CDK14: variants seen among roughly 807,000 people sequenced by gnomAD.
CDK14 encodes cyclin dependent kinase 14.
A neutral mutation model predicts 60.7 loss-of-function variants in CDK14; 34 were observed. The ratio of observed to expected loss-of-function variants is 0.56; its 90% confidence interval spans 0.43 to 0.75. CDK14 has a LOEUF of 0.75. CDK14 is among the 30% of genes least tolerant of loss of function. The pLI, the probability that CDK14 is intolerant of heterozygous loss-of-function variation, is 0.00. For synonymous variants in CDK14, 197 were observed against 203.7 expected (o/e 0.97, Z 0.28); for missense variants, 482 against 564.1 (o/e 0.85, Z 1.47).
chr7:91,096,065 CAAAAAAAAAA>C (rs112016367), intron 12 of CDK14, among the ~76,000 whole-genome samples: 7 of 64,558 alleles, frequency 1.1e-4, no homozygotes, highest in African/African-American at 2.6e-4. Context: ...CACAATTTGC[CAAAAAAAAAA>C]AAAAAAAAAA....
At chr7:90,906,923 A>G (rs1792726795) in intron 7 of CDK14, among the ~76,000 whole-genome samples, 1 of 152,112 alleles carries the variant, frequency 6.6e-6, no homozygotes, top group South Asian at 2.1e-4. Flanking sequence ...GCCAGTGTTA[A>G]CTAAATTTCT....
At chr7:90,843,043 T>G (rs3802024) in intron 5 of CDK14, among the ~76,000 whole-genome samples, 109,773 of 152,044 alleles carry the variant, frequency 0.72, 39,831 homozygotes, top group East Asian at 0.89. Context: ...GAAATGTTCT[T>G]CTGTTAATTA....
At chr7:90,602,382 C>G (rs1385977186) in intron 1 of CDK14, among the ~76,000 whole-genome samples, 1 of 152,102 alleles carries the variant, frequency 6.6e-6, no homozygotes, top group Non-Finnish European at 1.5e-5. Flanking sequence ...ATTTCTTATT[C>G]CTAAAAGTTT....
At chr7:91,055,003 G>A (rs1167241662) in intron 11 of CDK14, among the ~76,000 whole-genome samples, 1 of 152,142 alleles carries the variant, frequency 6.6e-6, no homozygotes, top group Non-Finnish European at 1.5e-5. Flanking sequence ...TCATTTCAGA[G>A]CTGGAAAGAG....
chr7:91,015,618 C>G (rs1040315866), intron 10 of CDK14, among the ~76,000 whole-genome samples: 14 of 149,594 alleles, frequency 9.4e-5, no homozygotes, highest in Middle Eastern at 3.5e-3. Flanking sequence ...AGCTCCGCCT[C>G]CCGGGTTCAA....
At chr7:90,710,748 A>G (rs572866662) in intron 2 of CDK14, among the ~76,000 whole-genome samples, 1 of 152,236 alleles carries the variant, frequency 6.6e-6, no homozygotes, top group East Asian at 1.9e-4. Flanking sequence ...TACTCCAATG[A>G]GGCTTACCTG....
intron 2 of CDK14, among the ~76,000 whole-genome samples, chr7:90,663,917 TTC>T (rs1491162833): frequency 6.6e-6 from 1 of 152,210 alleles, no homozygotes; most frequent in Non-Finnish European, 1.5e-5. Flanking sequence ...TTGTTTTTTT[TTC>T]TGAGTGTTGC....
intron 9 of CDK14, among the ~76,000 whole-genome samples, chr7:90,974,224 G>C (rs567864054): frequency 6.6e-6 from 1 of 152,204 alleles, no homozygotes; most frequent in South Asian, 2.1e-4. Context: ...AGACCTTATG[G>C]TTATCTTTCC....
At chr7:90,939,388 C>A (rs1242761373) in intron 8 of CDK14, among the ~76,000 whole-genome samples, 1 of 152,142 alleles carries the variant, frequency 6.6e-6, no homozygotes, top group Non-Finnish European at 1.5e-5. Context: ...TCATTGCTGC[C>A]AGCTCTTTAT....
intron 3 of CDK14, among the ~76,000 whole-genome samples, chr7:90,727,092 C>T (rs1194775483): frequency 6.6e-6 from 1 of 152,160 alleles, no homozygotes; most frequent in East Asian, 1.9e-4. Flanking sequence ...AATTAAAAGT[C>T]TTTTGTATTT....
At chr7:90,973,609 C>G (rs1794988528) in intron 9 of CDK14, among the ~76,000 whole-genome samples, 1 of 152,070 alleles carries the variant, frequency 6.6e-6, no homozygotes, top group Non-Finnish European at 1.5e-5. Context: ...TAAGTGTTGG[C>G]TGATCTGAGA....
intron 11 of CDK14, among the ~76,000 whole-genome samples, chr7:91,053,829 T>C (rs890522471): frequency 6.6e-6 from 1 of 152,162 alleles, no homozygotes; most frequent in Non-Finnish European, 1.5e-5. Context: ...TGTGCCATGA[T>C]GTTGCCCTGC....
At chr7:90,795,446 T>G (rs1329533667) in intron 5 of CDK14, among the ~76,000 whole-genome samples, 2 of 150,610 alleles carry the variant, frequency 1.3e-5, no homozygotes, top group African/African-American at 4.8e-5. Context: ...TTTGTATTAG[T>G]TACATATAGA....
At chr7:91,060,679 G>A (rs1066806) in intron 11 of CDK14, among the ~76,000 whole-genome samples, 16,418 of 152,190 alleles carry the variant, frequency 0.11, 1,108 homozygotes, top group Non-Finnish European at 0.15. Flanking sequence ...GGCTGGATAT[G>A]AAATTCTGGT....
chr7:90,691,484 G>A (rs1030565182), intron 2 of CDK14, among the ~76,000 whole-genome samples: 2 of 152,108 alleles, frequency 1.3e-5, no homozygotes, highest in Non-Finnish European at 2.9e-5. Flanking sequence ...GGAGGCTGTT[G>A]TGGATGGAGA....
intron 10 of CDK14, among the ~76,000 whole-genome samples, chr7:90,984,621 A>C (rs1374836201): frequency 1.3e-5 from 2 of 152,182 alleles, no homozygotes; most frequent in Non-Finnish European, 2.9e-5. Context: ...TTCTTCCATA[A>C]AGCAGAGCAG....
intron 14 of CDK14, among the ~76,000 whole-genome samples, chr7:91,168,892 C>T (rs1165123953): frequency 1.3e-5 from 2 of 152,048 alleles, no homozygotes; most frequent in Non-Finnish European, 2.9e-5. Context: ...GTTCATGGTC[C>T]AGGATCACAG....
At chr7:90,696,448 C>T (rs566647926) in intron 2 of CDK14, among the ~76,000 whole-genome samples, 5 of 148,720 alleles carry the variant, frequency 3.4e-5, no homozygotes, top group African/African-American at 1.2e-4. Flanking sequence ...TCAAGTGATT[C>T]TTGTGCCTCA....
At chr7:90,782,556 G>A (rs1051414590) in intron 4 of CDK14, among the ~76,000 whole-genome samples, 5 of 152,068 alleles carry the variant, frequency 3.3e-5, no homozygotes, top group Non-Finnish European at 7.4e-5. Flanking sequence ...TGCCTCAGTC[G>A]TTTTTGTACT....
Sources: gnomAD v4.1 joint callset for allele counts (sites outside exome capture counted in the v4.1 genomes callset) on GRCh38, gnomAD v4.1.1 for gene constraint, MANE v1.5 for transcripts, NCBI Gene and HGNC (gene_info 2026-07-23, HGNC 2026-07-21) for gene names.